CAMTA1: variants seen among roughly 807,000 people sequenced by gnomAD.
CAMTA1 encodes the protein calmodulin-binding transcription activator 1.
Under a neutral mutation model 170.9 loss-of-function variants are expected in CAMTA1, and 27 were observed. The observed-to-expected ratio is 0.16, with a 90% CI of 0.12 to 0.22. The LOEUF (loss-of-function observed/expected upper bound fraction) is 0.22. CAMTA1 is among the 10% of genes least tolerant of loss of function. CAMTA1 has a pLI of 1.00. For missense variants in CAMTA1, 1,619 were observed against 2,217.2 expected (o/e 0.73, Z 5.42); for synonymous variants, 833 against 891.5 (o/e 0.93, Z 1.17).
At chr1:7,539,005 A>G (rs2094579349) in intron 6 of CAMTA1, among the ~76,000 whole-genome samples, 1 of 151,934 alleles carries the variant, frequency 6.6e-6, no homozygotes, top group African/African-American at 2.4e-5. Context: ...CATCCTCCCC[A>G]TGGTTCAGAG....
At chr1:7,494,423 G>A (rs1310558740) in intron 6 of CAMTA1, among the ~76,000 whole-genome samples, 3 of 152,228 alleles carry the variant, frequency 2.0e-5, no homozygotes, top group Non-Finnish European at 4.4e-5. Flanking sequence ...GCTGAGGCAT[G>A]GAGGGGCTCT....
rs1291054551 is a variant in CAMTA1 at position 6,887,154 on chromosome 1, G to T, written c.234+61944G>T. ...GTTAATCTGAATTAGGGAGTTGATT[G>T]TACATAATGACTCCCCTGGGTTGCT... is the stretch of plus-strand genomic sequence containing the variant. On this transcript the variant is annotated intron_variant, in intron 3 of 22. Coordinates refer to ENST00000303635, the MANE Select transcript of CAMTA1 (RefSeq NM_015215.4). The surrounding 1 kb of genome is among the most constrained non-coding windows in gnomAD (Gnocchi z 4.1). Among the ~76,000 whole-genome samples the T allele has an allele frequency of 6.6e-6, 1 of 152,156 alleles. No individual in the cohort carries two copies. The highest frequency in any genetic ancestry group is 1.5e-5 in the Non-Finnish European group (1 of 68,028).
chr1:7,674,959 G>A lies in CAMTA1; in HGVS notation c.2780-2640G>A, dbSNP rs1003175066. On this transcript the variant is annotated intron_variant, in intron 10 of 22. Coordinates refer to ENST00000303635, the MANE Select transcript of CAMTA1 (RefSeq NM_015215.4). This position sits in a 1 kb window ranked among gnomAD's most constrained non-coding sequence, Gnocchi z 4.1. ...TCATGAGCTAATGTTCTACTGCAGGGAGACAGAAAACAAACAAGGAGAAAA... is the reference window on the plus strand; with the variant it reads ...TCATGAGCTAATGTTCTACTGCAGGAAGACAGAAAACAAACAAGGAGAAAA... Among the ~76,000 whole-genome samples the A allele has an allele frequency of 6.6e-5, 10 of 152,168 alleles. No individual in the cohort carries two copies. The highest frequency in any genetic ancestry group is 5.2e-4 in the Admixed American group (8 of 15,282).
chr1:7,725,903 G>A (rs965326376), intron 11 of CAMTA1, among the ~76,000 whole-genome samples: 27 of 152,184 alleles, frequency 1.8e-4, no homozygotes, highest in Admixed American at 1.2e-3. Context: ...AGGAACAGGC[G>A]GGTGGGTCAC....
At chr1:7,671,402 A>G (rs1268278054) in intron 10 of CAMTA1, among the ~76,000 whole-genome samples, 1 of 152,166 alleles carries the variant, frequency 6.6e-6, no homozygotes, top group Admixed American at 6.5e-5. Context: ...GGGGCCAGAG[A>G]CCACCTCTGC....
At chr1:7,306,871 A>ATTGTTGTTGTTTT (rs1675669040) in intron 5 of CAMTA1, among the ~76,000 whole-genome samples, 1 of 152,018 alleles carries the variant, frequency 6.6e-6, no homozygotes, top group East Asian at 1.9e-4. Context: ...CAATAATACA[A>ATTGTTGTTGTTTT]GTAAAAAATA....
At chr1:7,362,833 C>T (rs150961541) in intron 5 of CAMTA1, among the ~76,000 whole-genome samples, 2 of 147,540 alleles carry the variant, frequency 1.4e-5, no homozygotes, top group East Asian at 4.1e-4. Context: ...TGGTGAACTT[C>T]GGTAGGACTG....
chr1:7,516,082 C>T (rs2094281689), intron 6 of CAMTA1, among the ~76,000 whole-genome samples: 1 of 152,234 alleles, frequency 6.6e-6, no homozygotes, highest in South Asian at 2.1e-4. Flanking sequence ...GAACCTACCC[C>T]ACTCCCGCCT....
chr1:6,867,721 A>G (rs1667069460), intron 3 of CAMTA1, among the ~76,000 whole-genome samples: 1 of 152,182 alleles, frequency 6.6e-6, no homozygotes, highest in Non-Finnish European at 1.5e-5. Flanking sequence ...TTGTTGTTGA[A>G]TGGCATGCTG....
intron 4 of CAMTA1, among the ~76,000 whole-genome samples, chr1:7,237,865 A>G (rs1034063059): frequency 6.6e-6 from 1 of 152,258 alleles, no homozygotes; most frequent in African/African-American, 2.4e-5. Context: ...AAAGAGGACA[A>G]GTCTGTTAGT....
intron 6 of CAMTA1, among the ~76,000 whole-genome samples, chr1:7,507,200 A>G (rs1024282991): frequency 6.6e-6 from 1 of 151,984 alleles, no homozygotes; most frequent in African/African-American, 2.4e-5. Flanking sequence ...ACACCCTCAC[A>G]GTGGCACACT....
chr1:7,398,193 C>CTCTCTCTCTA (rs1557651862), intron 5 of CAMTA1, among the ~76,000 whole-genome samples: 6 of 16,898 alleles, frequency 3.6e-4, no homozygotes, highest in African/African-American at 3.9e-4. Context: ...CTCTCTCTCT[C>CTCTCTCTCTA]TATATATATA....
chr1:7,276,303 A>ATATATATATATATATATATTTTTTTTTT, intron 5 of CAMTA1, among the ~76,000 whole-genome samples: 2 of 24,232 alleles, frequency 8.3e-5, no homozygotes, highest in African/African-American at 3.0e-4. Context: ...ATATATATAT[A>ATATATATATATATATATATTTTTTTTTT]TTTTTTTTTT....
At chr1:6,791,974 T>C (rs1262680260) in intron 1 of CAMTA1, among the ~76,000 whole-genome samples, 4 of 148,468 alleles carry the variant, frequency 2.7e-5, no homozygotes, top group African/African-American at 9.8e-5. Flanking sequence ...TTTCTTTTCT[T>C]TTTTTTTTTT....
At chr1:7,277,015 G>A (rs1180992181) in intron 5 of CAMTA1, among the ~76,000 whole-genome samples, 2 of 152,128 alleles carry the variant, frequency 1.3e-5, no homozygotes, top group African/African-American at 4.8e-5. Flanking sequence ...AACAAAATAT[G>A]TAAGACCTGT....
chr1:7,648,689 T>TACCCTGGAATCC (rs1553233452), intron 7 of CAMTA1, among the ~76,000 whole-genome samples: 1 of 152,148 alleles, frequency 6.6e-6, no homozygotes, highest in Non-Finnish European at 1.5e-5. Context: ...GCTGCAGTCT[T>TACCCTGGAATCC]ACCCTGGAAT....
At position 7,710,212 on chromosome 1, in the gene CAMTA1, A is replaced by G. The variant is rs565175382; in HGVS notation, c.2915-22236A>G. 2.0e-5 allele frequency among the ~76,000 whole-genome samples: 3 copies of G among 152,346 alleles called. No homozygotes were observed. The East Asian group carries it at 5.8e-4, about 29-fold the overall frequency. On this transcript the variant is annotated intron_variant, in intron 11 of 22. Coordinates refer to ENST00000303635, the MANE Select transcript of CAMTA1 (RefSeq NM_015215.4). ...ATTGAATCAGTGTTTTGAATAAGCA[A>G]GACAGTTTATTGCTACTGTCATTTA...
chr1:7,230,371 C>A (rs973938896), intron 4 of CAMTA1, among the ~76,000 whole-genome samples: 4 of 151,320 alleles, frequency 2.6e-5, no homozygotes, highest in Non-Finnish European at 5.9e-5. Flanking sequence ...CCTGTGCCCT[C>A]TCCCGGCTTT....
chr1:7,197,489 A>G (rs1424564239), intron 4 of CAMTA1, among the ~76,000 whole-genome samples: 1 of 151,900 alleles, frequency 6.6e-6, no homozygotes, highest in African/African-American at 2.4e-5. Context: ...ACGTAGCATC[A>G]TTTCCTAAAG....
Sources: allele counts gnomAD v4.1 joint callset (sites outside exome capture counted in the v4.1 genomes callset), GRCh38; gene constraint gnomAD v4.1.1; non-coding constraint Gnocchi (gnomAD v3.1); transcripts MANE v1.5; gene names NCBI Gene and HGNC (gene_info 2026-07-23, HGNC 2026-07-21).